Variants in BEND5 observed in about 807,000 individuals in gnomAD.
BEND5 encodes BEN domain-containing protein 5.
BEND5 carries 22 observed loss-of-function variants against 43.9 expected under a neutral mutation model. The ratio of observed to expected loss-of-function variants is 0.50; its 90% confidence interval spans 0.36 to 0.72. The LOEUF is 0.72. Ranked by LOEUF, BEND5 falls within the 30% of genes least tolerant of loss-of-function variation. The pLI, the probability that BEND5 is intolerant of heterozygous loss-of-function variation, is 0.00. For missense variants in BEND5, 428 were observed against 550.6 expected (o/e 0.78, Z 2.23); for synonymous variants, 228 against 225.9 (o/e 1.01, Z -0.08).
chr1:48,730,273 C>G (rs547423520), intron 5 of BEND5, among the ~76,000 whole-genome samples: 1 of 152,274 alleles, frequency 6.6e-6, no homozygotes, highest in Admixed American at 6.5e-5. Context: ...TTGTAGGAAC[C>G]TGAACCAAAT....
intron 5 of BEND5, among the ~76,000 whole-genome samples, chr1:48,734,804 C>T (rs1356429426): frequency 3.3e-5 from 5 of 152,208 alleles, no homozygotes; most frequent in African/African-American, 7.2e-5. Flanking sequence ...GCTCACAGTA[C>T]CTGAAGTTAT....
At chr1:48,731,528 C>T (rs1364044346) in intron 5 of BEND5, among the ~76,000 whole-genome samples, 1 of 152,124 alleles carries the variant, frequency 6.6e-6, no homozygotes, top group Non-Finnish European at 1.5e-5. Context: ...CAGCAGCATC[C>T]ACCCACCCCA....
Position 48,742,736 on chromosome 1 carries a change from A to G in BEND5, c.781T>C (p.Cys261Arg). The G allele has an allele frequency of 2.5e-6, 4 of 1,607,688 alleles. No individual in the cohort carries two copies. Among genetic ancestry groups the G allele is most frequent in the Non-Finnish European group, 3.4e-6 (4 of 1,176,600 alleles). The change falls in exon 4 of 6, where the codon TGT becomes CGT. Residue 261 changes from cysteine (C) to arginine (R), a missense_variant. Around this residue, in one of 4 missense-constraint regions of BEND5, gnomAD observed 243 missense variants for 286.4 expected, o/e 0.85. Transcript: ENST00000371833. ...CGTAACTCCGGCTCGGGCTCGAGACATTCTGACTTTACTTTTTCCAGATCA... is the reference window on the plus strand; with the variant it reads ...CGTAACTCCGGCTCGGGCTCGAGACGTTCTGACTTTACTTTTTCCAGATCA... Reference protein sequence around the residue: ...AIDLEKVKSECLEPEPELRST... With the variant: ...AIDLEKVKSERLEPEPELRST...
chr1:48,758,795 G>C (rs534855156), intron 3 of BEND5, 105 bp downstream of exon 3: 2 of 1,039,166 alleles, frequency 1.9e-6, no homozygotes, highest in South Asian at 3.9e-5. Flanking sequence ...TCCTTCCCTA[G>C]CCTCAGGGCA....
At chr1:48,761,180 C>T in intron 2 of BEND5, 157 bp downstream of exon 2, 3 of 807,134 alleles carry the variant, frequency 3.7e-6, no homozygotes, top group Non-Finnish European at 5.7e-6. Flanking sequence ...GGCAAATACA[C>T]ACGAGTTGTC....
intron 1 of BEND5, among the ~76,000 whole-genome samples, chr1:48,770,724 C>T (rs1441475331): frequency 1.3e-5 from 2 of 152,202 alleles, no homozygotes; most frequent in African/African-American, 2.4e-5. Flanking sequence ...ACCAGCTACA[C>T]TTCCAGGGTT....
intron 3 of BEND5, among the ~76,000 whole-genome samples, chr1:48,753,487 C>T (rs1213164626): frequency 6.6e-6 from 1 of 152,188 alleles, no homozygotes; most frequent in South Asian, 2.1e-4. Context: ...GAAACCAGTT[C>T]AGACTGCAAA....
intron 3 of BEND5, among the ~76,000 whole-genome samples, chr1:48,750,516 C>T (rs958223405): frequency 6.6e-6 from 1 of 152,180 alleles, no homozygotes; most frequent in Non-Finnish European, 1.5e-5. Context: ...TATCCTTTCC[C>T]AACATCCTGA....
intron 1 of BEND5, among the ~76,000 whole-genome samples, chr1:48,762,616 G>T (rs1296048559): frequency 2.3e-5 from 1 of 43,588 alleles, no homozygotes; most frequent in African/African-American, 8.3e-5. Flanking sequence ...TAAGGGTTTT[G>T]TGTGTGTGTG....
At chr1:48,729,590 T>G (rs913969528) in intron 5 of BEND5, among the ~76,000 whole-genome samples, 3 of 151,978 alleles carry the variant, frequency 2.0e-5, no homozygotes, top group Non-Finnish European at 2.9e-5. Context: ...ACCTTTCCAC[T>G]AACATATGAG....
chr1:48,733,415 C>T (rs1330240980), intron 5 of BEND5, among the ~76,000 whole-genome samples: 2 of 152,180 alleles, frequency 1.3e-5, no homozygotes, highest in Non-Finnish European at 1.5e-5. Flanking sequence ...TGCCTCAAAA[C>T]TGTGGAAATT....
At chr1:48,731,575 T>C (rs957602315) in intron 5 of BEND5, among the ~76,000 whole-genome samples, 41 of 152,234 alleles carry the variant, frequency 2.7e-4, no homozygotes, top group African/African-American at 8.7e-4. Flanking sequence ...AAGGCTCACC[T>C]AAGCAGATCT....
intron 3 of BEND5, among the ~76,000 whole-genome samples, chr1:48,746,629 C>T (rs1302323516): frequency 2.0e-5 from 3 of 152,248 alleles, no homozygotes; most frequent in Non-Finnish European, 2.9e-5. Context: ...TACAGAAGGT[C>T]GGCTTGAAAA....
intron 1 of BEND5, among the ~76,000 whole-genome samples, chr1:48,763,441 A>G (rs897553593): frequency 2.7e-4 from 41 of 152,194 alleles, no homozygotes; most frequent in African/African-American, 9.7e-4. Flanking sequence ...AAAGTACTTC[A>G]GATGAAATTA....
At chr1:48,760,544 G>A (rs969429166) in intron 2 of BEND5, among the ~76,000 whole-genome samples, 1 of 152,162 alleles carries the variant, frequency 6.6e-6, no homozygotes, top group African/African-American at 2.4e-5. Flanking sequence ...ATATGTCTGC[G>A]TCACTATAAT....
At chr1:48,733,092 C>T (rs1648415134) in intron 5 of BEND5, among the ~76,000 whole-genome samples, 1 of 152,204 alleles carries the variant, frequency 6.6e-6, no homozygotes, top group African/African-American at 2.4e-5. Context: ...AGGGAACACA[C>T]ACAGTGGGTG....
intron 1 of BEND5, among the ~76,000 whole-genome samples, chr1:48,774,201 T>C (rs547330539): frequency 6.6e-6 from 1 of 152,198 alleles, no homozygotes; most frequent in Non-Finnish European, 1.5e-5. Flanking sequence ...CACCTCTGCT[T>C]CCCACTTGAG....
chr1:48,742,526 A>T, intron 4 of BEND5, 97 bp downstream of exon 4: 2 of 1,259,788 alleles, frequency 1.6e-6, no homozygotes, highest in East Asian at 2.8e-5. Context: ...GAGGCCAACC[A>T]GTCAAGCTGC....
Position 48,727,820 on chromosome 1 carries a change from G to A in BEND5, c.*66C>T. The A allele has an allele frequency of 2.0e-6, 3 of 1,464,228 alleles. No homozygotes were observed. Among genetic ancestry groups the A allele is most frequent in the Non-Finnish European group, 9.4e-7 (1 of 1,060,998 alleles). 90.7% of individuals were successfully genotyped at this position (1,464,228 alleles called of 1,614,324 possible). A position where few individuals can be genotyped will look rare whatever the true frequency, so the allele number is the denominator to read the frequency against. ...TGCACGGTGGGGTCTGATTTGGACG[G>A]CACCATCGCTCGCAAATCACATGCC... On this transcript the variant is annotated 3_prime_UTR_variant, in exon 6 of 6. Transcript: ENST00000371833.
Sources: allele counts gnomAD v4.1 joint callset (sites outside exome capture counted in the v4.1 genomes callset), GRCh38; gene constraint gnomAD v4.1.1; regional missense constraint gnomAD v4.1.1; transcripts MANE v1.5; gene names NCBI Gene and HGNC (gene_info 2026-07-23, HGNC 2026-07-21).